The following BID variants were observed in gnomAD, a reference collection of about 807,000 sequenced individuals.
BID encodes the protein BH3 interacting domain death agonist, also known as BH3-interacting domain death agonist.
In BID, 19 loss-of-function variants were observed where a neutral mutation model predicts 17.4. That is an observed-to-expected ratio of 1.09 (90% CI 0.76 to 1.60). The LOEUF (loss-of-function observed/expected upper bound fraction) is 1.60. Ranked by LOEUF, BID falls within the 40% of genes most tolerant of loss-of-function variation. The probability of loss-of-function intolerance (pLI) is 0.00; values close to 1 mark genes in which losing one functional copy is unlikely to be tolerated. For synonymous variants in BID, 108 were observed against 102.8 expected, an observed-to-expected ratio of 1.05 and a Z score of -0.31; for missense variants, 226 against 256.0, an observed-to-expected ratio of 0.88 and a Z score of 0.80.
At chr22:17,757,419 A>T (rs1385517894) in intron 1 of BID, among the ~76,000 whole-genome samples, 1 of 148,744 alleles carries the variant, frequency 6.7e-6, no homozygotes, top group Non-Finnish European at 1.5e-5. Flanking sequence ...AAAAAAAAAA[A>T]AAAAAAATGC....
At chr22:17,748,779 C>T (rs917872076) in intron 2 of BID, among the ~76,000 whole-genome samples, 2 of 152,194 alleles carry the variant, frequency 1.3e-5, no homozygotes, top group Non-Finnish European at 2.9e-5. Flanking sequence ...CAGGGCGCTG[C>T]GCGGGTGACG....
chr22:17,744,239 C>A (rs1184612473), intron 2 of BID, among the ~76,000 whole-genome samples: 2 of 152,132 alleles, frequency 1.3e-5, no homozygotes. Context: ...AGCCCCGACT[C>A]TGCAGAAAGG....
At chr22:17,774,484 G>T, upstream of BID, 1 of 275,986 alleles carries the variant, frequency 3.6e-6, no homozygotes, top group South Asian at 3.0e-5. Context: ...CGCCCCGCGC[G>T]CTTCCTCCTT....
At chr22:17,750,227 A>C in intron 1 of BID, 53 bp from the exon 2 acceptor site, 5 of 1,516,992 alleles carry the variant, frequency 3.3e-6, no homozygotes, top group Non-Finnish European at 4.5e-6. Context: ...CCTGGTCAGG[A>C]CCCCTCGGGA....
chr22:17,767,556 C>T (rs938663376), intron 1 of BID, among the ~76,000 whole-genome samples: 2 of 152,182 alleles, frequency 1.3e-5, no homozygotes, highest in African/African-American at 4.8e-5. Context: ...TCAAAAGAGG[C>T]TAAGGACACA....
chr22:17,742,913 G>A (rs921803767), intron 3 of BID, among the ~76,000 whole-genome samples: 2 of 152,260 alleles, frequency 1.3e-5, no homozygotes, highest in African/African-American at 4.8e-5. Context: ...AAAGGGGAGT[G>A]GAGCTGGAGG....
chr22:17,742,141 C>T lies in BID; in HGVS notation c.223+1662G>A, dbSNP rs148828992. Reference sequence around the variant, plus strand: ...CCGGCAGCCAGAGCCTCTACCTTGCCCCTCTTTCCAGGCTCGCCAGGGACT... The same window carrying T: ...CCGGCAGCCAGAGCCTCTACCTTGCTCCTCTTTCCAGGCTCGCCAGGGACT... On this transcript the variant is annotated intron_variant, in intron 3 of 5. Transcript: ENST00000622694. 2.0e-5 allele frequency among the ~76,000 whole-genome samples: 3 copies of T among 152,364 alleles called. No homozygotes were observed. In the East Asian group the frequency reaches 5.8e-4, roughly 29 times the overall value.
chr22:17,756,482 TTCTTTC>T (rs2061590665), intron 1 of BID, among the ~76,000 whole-genome samples: 2 of 115,080 alleles, frequency 1.7e-5, no homozygotes, highest in Admixed American at 8.4e-5. Flanking sequence ...TTTCTTTTCT[TTCTTTC>T]TTTCTTTCTC....
intron 3 of BID, among the ~76,000 whole-genome samples, chr22:17,743,096 T>C: frequency 6.6e-6 from 1 of 152,262 alleles, no homozygotes; most frequent in Non-Finnish European, 1.5e-5. Flanking sequence ...GAGCTAGTCA[T>C]TTACCCTTTG....
At chr22:17,754,356 C>T (rs1335569534) in intron 1 of BID, among the ~76,000 whole-genome samples, 3 of 152,272 alleles carry the variant, frequency 2.0e-5, no homozygotes, top group Non-Finnish European at 2.9e-5. Context: ...ATCCTCACCA[C>T]GGCCTCGCCA....
intron 1 of BID, among the ~76,000 whole-genome samples, chr22:17,754,760 G>GT (rs765640081): frequency 8.6e-5 from 13 of 152,040 alleles, no homozygotes; most frequent in Non-Finnish European, 1.6e-4. Context: ...TTTTGTTTTT[G>GT]TTTTTGTTTG....
rs2061412756 is a variant in BID, at chr22:17,735,480, G to A, written c.*100C>T. 1 of 1,402,498 alleles carries A rather than the reference G, an allele frequency of 7.1e-7. No homozygotes were observed. Among genetic ancestry groups the A allele is most frequent in the Non-Finnish European group, 1.0e-6 (1 of 993,142 alleles). 86.9% of individuals were successfully genotyped at this position (1,402,498 alleles called of 1,614,324 possible). A position where few individuals can be genotyped will look rare whatever the true frequency, so the allele number is the denominator to read the frequency against. On this transcript the variant is annotated 3_prime_UTR_variant, in exon 6 of 6. Coordinates refer to ENST00000622694, the MANE Select transcript of BID (RefSeq NM_001196.4). ...GCTATCTTCCAGCCTGTCTTCTCTAGGAACGCTGTTGACATGCCAGGGCTC... is the reference window on the plus strand; with the variant it reads ...GCTATCTTCCAGCCTGTCTTCTCTAAGAACGCTGTTGACATGCCAGGGCTC...
At chr22:17,755,754 C>T (rs969992881) in intron 1 of BID, among the ~76,000 whole-genome samples, 11 of 146,050 alleles carry the variant, frequency 7.5e-5, no homozygotes, top group East Asian at 2.0e-4. Flanking sequence ...CAGCAGAGAT[C>T]GCACTACTGC....
chr22:17,757,633 C>G (rs373138197), intron 1 of BID, among the ~76,000 whole-genome samples: 1 of 148,598 alleles, frequency 6.7e-6, no homozygotes, highest in Non-Finnish European at 1.5e-5. Context: ...GGAGTGAACC[C>G]GGGAGGCGGA....
chr22:17,744,358 C>T (rs532935532), intron 2 of BID, among the ~76,000 whole-genome samples: 6 of 152,340 alleles, frequency 3.9e-5, no homozygotes, highest in Admixed American at 3.3e-4. Flanking sequence ...GAGTGTCATG[C>T]GGGCATCATC....
intron 1 of BID, among the ~76,000 whole-genome samples, chr22:17,768,169 G>A (rs1413884721): frequency 1.3e-5 from 2 of 152,224 alleles, no homozygotes; most frequent in East Asian, 3.9e-4. Context: ...GAAATGTTCT[G>A]CCTGTAGGCG....
Position 17,750,275 on chromosome 22 carries a change from T to A in BID, c.-58-101A>T. On this transcript the variant is annotated intron_variant, in intron 1 of 5. Coordinates refer to ENST00000622694, the MANE Select transcript of BID (RefSeq NM_001196.4). ...TGGCCTGTGCTCCAGAAATGGCGGC[T>A]GAGCCGAGGTCCTGGCCTGAGCCCC... is the stretch of plus-strand genomic sequence containing the variant. 1.7e-5 allele frequency: 17 copies of A among 1,009,586 alleles called. No homozygotes were observed. In the South Asian group the frequency reaches 2.3e-4, roughly 13 times the overall value. The allele number at this position is 1,009,586 out of a possible 1,614,324, so 62.5% of individuals were successfully genotyped here. A position where few individuals can be genotyped will look rare whatever the true frequency, so the allele number is the denominator to read the frequency against.
chr22:17,747,643 GAATTGAT>G (rs1423841928), intron 2 of BID, among the ~76,000 whole-genome samples: 2 of 152,018 alleles, frequency 1.3e-5, no homozygotes, highest in Non-Finnish European at 2.9e-5. Flanking sequence ...TTTGATAAAA[GAATTGAT>G]AGTTTTTTAT....
intron 3 of BID, among the ~76,000 whole-genome samples, chr22:17,742,243 C>T (rs1038966360): frequency 2.6e-5 from 4 of 151,822 alleles, no homozygotes; most frequent in Non-Finnish European, 5.9e-5. Context: ...GAGTCAACCC[C>T]GGTTTCTCAG....
Sources: allele counts gnomAD v4.1 joint callset (sites outside exome capture counted in the v4.1 genomes callset), GRCh38; gene constraint gnomAD v4.1.1; transcripts MANE v1.5; gene names NCBI Gene and HGNC (gene_info 2026-07-23, HGNC 2026-07-21).